The following WDFY4 variants were observed in gnomAD, a reference collection of about 807,000 sequenced individuals.
WDFY4 encodes the protein WDFY family member 4.
A neutral mutation model predicts 351.9 loss-of-function variants in WDFY4; 169 were observed. The ratio of observed to expected loss-of-function variants is 0.48; its 90% confidence interval spans 0.42 to 0.55. The LOEUF (loss-of-function observed/expected upper bound fraction) is 0.55, where lower values mean the gene tolerates loss of function less well. WDFY4 is among the 20% of genes least tolerant of loss of function. The pLI is 0.00. For synonymous variants in WDFY4, 1,622 were observed against 1,574.6 expected, an observed-to-expected ratio of 1.03 and a Z score of -0.71; for missense variants, 3,803 against 3,935.6, an observed-to-expected ratio of 0.97 and a Z score of 0.90.
At chr10:48,800,320 AAG>A (rs1415509562) in intron 24 of WDFY4, among the ~76,000 whole-genome samples, 3 of 152,230 alleles carry the variant, frequency 2.0e-5, no homozygotes, top group African/African-American at 7.2e-5. Flanking sequence ...GTTTGGAGAC[AAG>A]AGAGTGGATC....
intron 30 of WDFY4, 26 bp downstream of exon 30, chr10:48,811,734 T>C (rs990965164): frequency 1.9e-6 from 3 of 1,547,476 alleles, no homozygotes; most frequent in Non-Finnish European, 2.6e-6. Flanking sequence ...ACCCACAGGG[T>C]GACACACTTG....
intron 1 of WDFY4, among the ~76,000 whole-genome samples, chr10:48,688,882 A>G (rs1249101837): frequency 1.3e-5 from 2 of 152,222 alleles, no homozygotes; most frequent in East Asian, 3.8e-4. Context: ...CTCCAGAGTA[A>G]CAGGAAGAAT....
intron 19 of WDFY4, among the ~76,000 whole-genome samples, chr10:48,783,556 T>G (rs1235927015): frequency 6.6e-6 from 1 of 151,610 alleles, no homozygotes; most frequent in East Asian, 1.9e-4. Flanking sequence ...ATAGTGATTT[T>G]ATAGTAATTA....
intron 24 of WDFY4, among the ~76,000 whole-genome samples, chr10:48,800,469 T>A (rs1330330448): frequency 6.6e-6 from 1 of 151,648 alleles, no homozygotes; most frequent in Admixed American, 6.6e-5. Flanking sequence ...CAGGAGATTG[T>A]TGAAGCAGGG....
At chr10:48,885,992 G>A (rs546218639) in intron 43 of WDFY4, among the ~76,000 whole-genome samples, 3 of 152,292 alleles carry the variant, frequency 2.0e-5, no homozygotes, top group Admixed American at 6.5e-5. Context: ...CTATTAGAAT[G>A]TATTCAGAAC....
chr10:48,768,329 C>A (rs925993761), intron 13 of WDFY4, among the ~76,000 whole-genome samples: 2 of 152,274 alleles, frequency 1.3e-5, no homozygotes, highest in Admixed American at 6.5e-5. Context: ...TGGCATGGGG[C>A]AGGGTATGGC....
At chr10:48,926,630 G>C (rs1325126609) in intron 47 of WDFY4, among the ~76,000 whole-genome samples, 1 of 152,048 alleles carries the variant, frequency 6.6e-6, no homozygotes, top group Non-Finnish European at 1.5e-5. Flanking sequence ...CACTGTCCAG[G>C]GGCCAATATG....
intron 43 of WDFY4, among the ~76,000 whole-genome samples, chr10:48,889,605 C>T (rs570803835): frequency 1.6e-4 from 25 of 152,282 alleles, no homozygotes; most frequent in African/African-American, 5.3e-4. Context: ...TCCCTTTAGG[C>T]TCTCATGTTC....
intron 53 of WDFY4, among the ~76,000 whole-genome samples, 186 bp downstream of exon 53, chr10:48,959,999 T>C (rs1307630664): frequency 6.6e-6 from 1 of 152,226 alleles, no homozygotes; most frequent in Non-Finnish European, 1.5e-5. Context: ...CTGGGCTGTT[T>C]CAAGAGCTCC....
intron 11 of WDFY4, among the ~76,000 whole-genome samples, chr10:48,737,697 CAA>C (rs2064717666): frequency 6.6e-6 from 1 of 151,578 alleles, no homozygotes; most frequent in Admixed American, 6.6e-5. Context: ...TTGTACGAAA[CAA>C]AAAAAGGAAA....
chr10:48,883,451 G>T (rs2070335725), intron 43 of WDFY4, among the ~76,000 whole-genome samples: 1 of 152,140 alleles, frequency 6.6e-6, no homozygotes, highest in African/African-American at 2.4e-5. Flanking sequence ...AGCCTATGTT[G>T]AGGCATTTTT....
intron 19 of WDFY4, among the ~76,000 whole-genome samples, chr10:48,782,374 A>G (rs1486964430): frequency 6.6e-6 from 1 of 152,258 alleles, no homozygotes; most frequent in Non-Finnish European, 1.5e-5. Context: ...GCTGACACAC[A>G]GTAAGCATGG....
intron 42 of WDFY4, among the ~76,000 whole-genome samples, chr10:48,875,973 T>C (rs1214523138): frequency 1.3e-5 from 2 of 152,170 alleles, no homozygotes; most frequent in Non-Finnish European, 2.9e-5. Context: ...GCTCCAGAGG[T>C]GGGAGTTGCA....
At chr10:48,934,033 A>T (rs1318293373) in intron 47 of WDFY4, among the ~76,000 whole-genome samples, 1 of 152,078 alleles carries the variant, frequency 6.6e-6, no homozygotes, top group Non-Finnish European at 1.5e-5. Flanking sequence ...AGTGCCTCCC[A>T]TCTCTCCCTG....
intron 1 of WDFY4, among the ~76,000 whole-genome samples, chr10:48,696,888 T>G (rs1235011474): frequency 6.6e-6 from 1 of 152,276 alleles, no homozygotes; most frequent in Non-Finnish European, 1.5e-5. Flanking sequence ...AAGGACGATA[T>G]TGTTCCCATT....
chr10:48,888,148 G>A (rs1016110052), intron 43 of WDFY4, among the ~76,000 whole-genome samples: 1 of 152,120 alleles, frequency 6.6e-6, no homozygotes, highest in East Asian at 1.9e-4. Context: ...GGTAATGGTG[G>A]TTGCCCCTGG....
intron 1 of WDFY4, among the ~76,000 whole-genome samples, chr10:48,696,972 A>T (rs569585279): frequency 9.8e-5 from 15 of 152,294 alleles, no homozygotes; most frequent in Admixed American, 8.5e-4. Flanking sequence ...TGGAGCTGGG[A>T]TTTGAATCTG....
At chr10:48,688,090 C>T (rs2063102165) in intron 1 of WDFY4, among the ~76,000 whole-genome samples, 1 of 152,182 alleles carries the variant, frequency 6.6e-6, no homozygotes, top group African/African-American at 2.4e-5. Flanking sequence ...GCCTAATAGG[C>T]CATTCTTTAG....
chr10:48,948,732 C>A (rs2133790554), intron 51 of WDFY4, among the ~76,000 whole-genome samples: 1 of 152,320 alleles, frequency 6.6e-6, no homozygotes, highest in South Asian at 2.1e-4. Context: ...GTGCAGAGAA[C>A]CCCCAGCTCA....
Sources: allele counts gnomAD v4.1 joint callset (sites outside exome capture counted in the v4.1 genomes callset), GRCh38; gene constraint gnomAD v4.1.1; transcripts MANE v1.5; gene names NCBI Gene and HGNC (gene_info 2026-07-23, HGNC 2026-07-21).